The following TIAM1 variants were observed in gnomAD, a reference collection of about 807,000 sequenced individuals.
TIAM1 encodes the protein rho guanine nucleotide exchange factor TIAM1.
In TIAM1, 65 loss-of-function variants were observed where a neutral mutation model predicts 163.5. The ratio of observed to expected loss-of-function variants is 0.40; its 90% CI spans 0.33 to 0.49. The LOEUF (loss-of-function observed/expected upper bound fraction) is 0.49, where lower values mean the gene tolerates loss of function less well. Among genes scored for constraint, TIAM1 ranks in the 20% least tolerant of loss-of-function variants. The pLI is 0.77. For missense variants in TIAM1, 1,789 were observed against 2,044.7 expected (o/e 0.87, Z 2.41); for synonymous variants, 833 against 810.1 (o/e 1.03, Z -0.48).
At chr21:31,519,153 A>C in intron 1 of TIAM1, among the ~76,000 whole-genome samples, 1 of 152,104 alleles carries the variant, frequency 6.6e-6, no homozygotes, top group Non-Finnish European at 1.5e-5. Flanking sequence ...TAAAAATACA[A>C]AATTAGCCAG....
intron 2 of TIAM1, among the ~76,000 whole-genome samples, chr21:31,407,088 T>C (rs1040327141): frequency 6.6e-6 from 1 of 152,156 alleles, no homozygotes; most frequent in Non-Finnish European, 1.5e-5. Context: ...CTCCGTGCCA[T>C]ATTGATGAGG....
rs184183709 is a variant in TIAM1 at position 31,520,103 on chromosome 21, C to T, written c.-422+38824G>A. On this transcript the variant is annotated intron_variant, in intron 1 of 28. Transcript: ENST00000286827. ...CCCAGCACTCTGGGAGGCTGAGGCA[C>T]GCGGAGCACCTGAGGTCGGGAGTTC... Among the ~76,000 whole-genome samples, 1,198 of 152,166 alleles carry T rather than the reference C, an allele frequency of 7.9e-3. 19 individuals carry two copies. The highest frequency in any genetic ancestry group is 0.026 in the African/African-American group (1,096 of 41,514).
rs534801348 is a variant in TIAM1, at chr21:31,507,363, C to T, written c.-421-43328G>A. 3.3e-5 allele frequency among the ~76,000 whole-genome samples: 5 copies of T among 151,198 alleles called. No individual in the cohort carries two copies. In the South Asian group the frequency reaches 1.1e-3, roughly 32 times the overall value. On this transcript the variant is annotated intron_variant, in intron 1 of 28. Coordinates refer to the TIAM1 transcript ENST00000286827. Reference sequence around the variant, plus strand: ...GGGATTACAGGCACCTGCCACCATGCCCCGCTAATTTTTTTGTATTCTTAG... The same window carrying T: ...GGGATTACAGGCACCTGCCACCATGTCCCGCTAATTTTTTTGTATTCTTAG...
intron 3 of TIAM1, among the ~76,000 whole-genome samples, chr21:31,270,111 T>C (rs982783093): frequency 6.6e-6 from 1 of 152,254 alleles, no homozygotes; most frequent in Non-Finnish European, 1.5e-5. Flanking sequence ...GCATTTTATA[T>C]TTGTGTGGGT....
At chr21:31,529,211 G>A (rs908784534) in intron 1 of TIAM1, among the ~76,000 whole-genome samples, 6 of 151,742 alleles carry the variant, frequency 4.0e-5, no homozygotes, top group Non-Finnish European at 5.9e-5. Flanking sequence ...GAGCCACCGC[G>A]CCCAGCCGAA....
At chr21:31,279,141 A>T (rs1405833571) in intron 2 of TIAM1, among the ~76,000 whole-genome samples, 1 of 152,062 alleles carries the variant, frequency 6.6e-6, no homozygotes, top group East Asian at 1.9e-4. Flanking sequence ...ATAAATAAAT[A>T]AACAAAAAAA....
At chr21:31,536,476 G>A (rs752340478) in intron 1 of TIAM1, among the ~76,000 whole-genome samples, 2 of 152,238 alleles carry the variant, frequency 1.3e-5, no homozygotes, top group Non-Finnish European at 2.9e-5. Flanking sequence ...GCTGAAGGAA[G>A]GGAGTCTTCA....
At chr21:31,425,399 T>A (rs1196189699) in intron 2 of TIAM1, among the ~76,000 whole-genome samples, 1 of 152,136 alleles carries the variant, frequency 6.6e-6, no homozygotes, top group Non-Finnish European at 1.5e-5. Flanking sequence ...AACGCAGCCC[T>A]GCCAAGAGGT....
chr21:31,449,793 G>A (rs1051319903), intron 2 of TIAM1, among the ~76,000 whole-genome samples: 1 of 152,170 alleles, frequency 6.6e-6, no homozygotes, highest in Non-Finnish European at 1.5e-5. Context: ...TTTCTATCCA[G>A]GGTAGGCCTG....
chr21:31,236,210 C>A (rs997351741), intron 6 of TIAM1, among the ~76,000 whole-genome samples: 1 of 152,198 alleles, frequency 6.6e-6, no homozygotes, highest in Non-Finnish European at 1.5e-5. Context: ...TGAGATTGGG[C>A]CACCAGAATG....
intron 9 of TIAM1, 67 bp downstream of exon 9, chr21:31,217,486 A>AC (rs2087285225): frequency 6.4e-7 from 1 of 1,563,474 alleles, no homozygotes; most frequent in Non-Finnish European, 8.7e-7. Flanking sequence ...AAACACACAC[A>AC]CCCCAAATTG....
intron 2 of TIAM1, among the ~76,000 whole-genome samples, chr21:31,385,165 G>A (rs915789681): frequency 2.0e-5 from 3 of 152,144 alleles, no homozygotes; most frequent in Non-Finnish European, 2.9e-5. Context: ...AGGTTCAAGC[G>A]ATTCTTCTGC....
At chr21:31,342,652 G>A (rs1039986610) in intron 1 of TIAM1, among the ~76,000 whole-genome samples, 1 of 152,150 alleles carries the variant, frequency 6.6e-6, no homozygotes, top group Admixed American at 6.5e-5. Flanking sequence ...TTGTGGGGTG[G>A]AGGGGCGTGA....
At chr21:31,403,735 T>A (rs1358060825) in intron 2 of TIAM1, among the ~76,000 whole-genome samples, 1 of 152,092 alleles carries the variant, frequency 6.6e-6, no homozygotes, top group Non-Finnish European at 1.5e-5. Flanking sequence ...TGCTGGGGGC[T>A]GGAGAATAGA....
At chr21:31,545,797 T>C (rs2123294003) in intron 1 of TIAM1, among the ~76,000 whole-genome samples, 1 of 152,322 alleles carries the variant, frequency 6.6e-6, no homozygotes, top group South Asian at 2.1e-4. Flanking sequence ...ACATATTCTT[T>C]ATTCTTCCCA....
chr21:31,141,165 C>T lies in TIAM1; in HGVS notation c.3727G>A (p.Ala1243Thr). ...TCAGCAATCAGCTGGTCAAACACAG[C>T]CCCAAACTCTTCATGGATTTTCTGC... ...EMQKIHEEFG[A>T]VFDQLIAEQT... is the part of the protein sequence containing the mutation. Residue 1243 changes from alanine to threonine, a missense_variant, in exon 22 of 28, where the codon GCT becomes ACT. Physicochemically the swap from Ala to Thr is moderately conservative, Grantham distance 58 (BLOSUM62 0). Around this residue, in one of 5 missense-constraint regions of TIAM1, gnomAD observed 60 missense variants for 132.6 expected, o/e 0.45. Coordinates refer to ENST00000541036, the MANE Select transcript of TIAM1 (RefSeq NM_001353694.2). The surrounding 1 kb of genome is among the most constrained non-coding windows in gnomAD (Gnocchi z 4.7). The T allele has an allele frequency of 1.2e-6, 2 of 1,614,228 alleles. No individual in the cohort carries two copies. Among genetic ancestry groups the T allele is most frequent in the South Asian group, 2.2e-5 (2 of 91,086 alleles).
At chr21:31,210,741 AG>A (rs2086806822) in intron 10 of TIAM1, among the ~76,000 whole-genome samples, 4 of 120,234 alleles carry the variant, frequency 3.3e-5, no homozygotes, top group South Asian at 2.5e-4. Flanking sequence ...GAAAGAAGGA[AG>A]GAAGGGAGAA....
At chr21:31,392,938 G>A (rs114072843) in intron 2 of TIAM1, among the ~76,000 whole-genome samples, 68 of 147,898 alleles carry the variant, frequency 4.6e-4, no homozygotes, top group African/African-American at 1.6e-3. Context: ...ACAGAACCGT[G>A]AGCCAAATAA....
At chr21:31,300,043 C>G (rs920225754) in intron 2 of TIAM1, among the ~76,000 whole-genome samples, 2 of 152,096 alleles carry the variant, frequency 1.3e-5, no homozygotes, top group Non-Finnish European at 2.9e-5. Context: ...GGAGGTGGGG[C>G]CTGGTGAAGG....
Sources: allele counts gnomAD v4.1 joint callset (sites outside exome capture counted in the v4.1 genomes callset), GRCh38; gene constraint gnomAD v4.1.1; regional missense constraint gnomAD v4.1.1; non-coding constraint Gnocchi (gnomAD v3.1); transcripts MANE v1.5; gene names NCBI Gene and HGNC (gene_info 2026-07-23, HGNC 2026-07-21).